Variants in EIF4G3 observed in about 807,000 individuals in gnomAD.
EIF4G3 encodes the protein eukaryotic translation initiation factor 4 gamma 3.
EIF4G3 carries 34 observed loss-of-function variants against 186.4 expected under a neutral mutation model. The ratio of observed to expected loss-of-function variants is 0.18; its 90% CI spans 0.14 to 0.24. The LOEUF is 0.24. EIF4G3 is among the 10% of genes least tolerant of loss of function. EIF4G3 has a pLI of 1.00. For synonymous variants in EIF4G3, 673 were observed against 679.5 expected, an observed-to-expected ratio of 0.99 and a Z score of 0.15; for missense variants, 1,536 against 1,948.5, an observed-to-expected ratio of 0.79 and a Z score of 3.99.
chr1:20,961,283 TGAGGCAGGAGAATCGCTTGAACCAGG>T (rs971317571), intron 12 of EIF4G3, among the ~76,000 whole-genome samples: 9 of 152,100 alleles, frequency 5.9e-5, no homozygotes, highest in African/African-American at 1.9e-4. Context: ...CTCGGGAGGC[TGAGGCAGGAGAATCGCTTGAACCAGG>T]GAGGCAGAGG....
intron 11 of EIF4G3, among the ~76,000 whole-genome samples, chr1:20,970,077 C>T (rs778709095): frequency 1.2e-4 from 18 of 152,088 alleles, no homozygotes; most frequent in Non-Finnish European, 2.2e-4. Context: ...GATTCTCGTG[C>T]CTCAGCCTCC....
chr1:20,999,390 G>A (rs981839701), intron 6 of EIF4G3: 7 of 365,366 alleles, frequency 1.9e-5, no homozygotes, highest in Non-Finnish European at 3.8e-5. Flanking sequence ...CCACCCATGT[G>A]GTATGAAAGT....
At chr1:21,008,044 G>A (rs1398959708) in intron 4 of EIF4G3, among the ~76,000 whole-genome samples, 1 of 152,146 alleles carries the variant, frequency 6.6e-6, no homozygotes, top group African/African-American at 2.4e-5. Flanking sequence ...TCCCACTTTG[G>A]GAGGCCAAGA....
intron 14 of EIF4G3, among the ~76,000 whole-genome samples, chr1:20,934,736 TATAGTACTG>T (rs1204465648): frequency 6.6e-6 from 1 of 151,978 alleles, no homozygotes; most frequent in African/African-American, 2.4e-5. Flanking sequence ...AAGTAGGAGT[TATAGTACTG>T]ATTCAAGGGT....
At chr1:21,004,865 T>C (rs1005211769) in intron 4 of EIF4G3, among the ~76,000 whole-genome samples, 3 of 152,134 alleles carry the variant, frequency 2.0e-5, no homozygotes, top group African/African-American at 7.2e-5. Context: ...TCCGGCAATC[T>C]TTCAACGTGG....
intron 3 of EIF4G3, 75 bp from the exon 4 acceptor site, chr1:21,051,069 ATTT>A: frequency 2.9e-6 from 2 of 696,896 alleles, no homozygotes; most frequent in Non-Finnish European, 5.3e-6. Context: ...GAACTATCTG[ATTT>A]TTAATTGGAT....
chr1:20,846,030 G>T (rs1294072951), intron 29 of EIF4G3, among the ~76,000 whole-genome samples: 1 of 152,156 alleles, frequency 6.6e-6, no homozygotes, highest in Non-Finnish European at 1.5e-5. Context: ...TCCCTTGTTA[G>T]CTGTATTCCT....
At chr1:20,954,322 C>T (rs1381506818) in intron 12 of EIF4G3, among the ~76,000 whole-genome samples, 3 of 151,760 alleles carry the variant, frequency 2.0e-5, no homozygotes, top group East Asian at 1.9e-4. Context: ...TGGATCACGA[C>T]GTTAAGAGTT....
chr1:21,167,025 A>T (rs1036772457), intron 2 of EIF4G3, among the ~76,000 whole-genome samples: 1 of 151,860 alleles, frequency 6.6e-6, no homozygotes, highest in Non-Finnish European at 1.5e-5. Flanking sequence ...CAAGCAATCC[A>T]CCCACCTTGG....
intron 4 of EIF4G3, among the ~76,000 whole-genome samples, chr1:21,005,406 T>C (rs1217559511): frequency 6.6e-6 from 1 of 152,154 alleles, no homozygotes; most frequent in Non-Finnish European, 1.5e-5. Context: ...GCTGTCAAGA[T>C]ACTAAATATA....
chr1:20,892,745 C>A, intron 18 of EIF4G3: 1 of 1,492,548 alleles, frequency 6.7e-7, no homozygotes, highest in Non-Finnish European at 9.0e-7. Flanking sequence ...GAAACAAAGA[C>A]AAAGACATGA....
At chr1:21,124,876 T>C (rs1335795921) in intron 2 of EIF4G3, among the ~76,000 whole-genome samples, 4 of 152,200 alleles carry the variant, frequency 2.6e-5, no homozygotes, top group African/African-American at 7.2e-5. Context: ...AAAGGGGAAT[T>C]AATATTTCCA....
intron 14 of EIF4G3, among the ~76,000 whole-genome samples, chr1:20,909,925 G>T (rs188945637): frequency 6.6e-6 from 1 of 152,026 alleles, no homozygotes; most frequent in Non-Finnish European, 1.5e-5. Context: ...GGGACCACAG[G>T]TACCCGCAAC....
chr1:20,881,758 A>C (rs955157622), intron 19 of EIF4G3, among the ~76,000 whole-genome samples: 3 of 152,138 alleles, frequency 2.0e-5, no homozygotes, highest in Admixed American at 6.5e-5. Flanking sequence ...ACTGCACTCC[A>C]GCCTGGGCAA....
At chr1:20,931,398 C>T (rs988902250) in intron 14 of EIF4G3, among the ~76,000 whole-genome samples, 3 of 152,248 alleles carry the variant, frequency 2.0e-5, no homozygotes, top group East Asian at 1.9e-4. Context: ...TTATAAGAGT[C>T]GGTAAGCCAC....
intron 3 of EIF4G3, among the ~76,000 whole-genome samples, chr1:21,062,901 T>C (rs1319122632): frequency 6.6e-6 from 1 of 152,124 alleles, no homozygotes; most frequent in Admixed American, 6.5e-5. Context: ...AATATATATA[T>C]ATTTTAAATA....
chr1:21,101,358 A>G, intron 2 of EIF4G3, among the ~76,000 whole-genome samples: 1 of 151,976 alleles, frequency 6.6e-6, no homozygotes, highest in Non-Finnish European at 1.5e-5. Context: ...ACTTGAGGTC[A>G]GGAGTTCAAG....
intron 2 of EIF4G3, among the ~76,000 whole-genome samples, chr1:21,156,398 T>G (rs2097662559): frequency 6.6e-6 from 1 of 152,188 alleles, no homozygotes; most frequent in Admixed American, 6.5e-5. Flanking sequence ...TATGCTTATA[T>G]TATCACAGAT....
intron 15 of EIF4G3, among the ~76,000 whole-genome samples, chr1:20,900,727 G>C (rs1213952247): frequency 6.6e-6 from 1 of 152,076 alleles, no homozygotes; most frequent in Non-Finnish European, 1.5e-5. Flanking sequence ...TTTTCACGAT[G>C]GGTATGCACT....
Sources: allele counts gnomAD v4.1 joint callset (sites outside exome capture counted in the v4.1 genomes callset), GRCh38; gene constraint gnomAD v4.1.1; transcripts MANE v1.5; gene names NCBI Gene and HGNC (gene_info 2026-07-23, HGNC 2026-07-21).